The following APLP2 variants were observed in gnomAD, a reference collection of about 807,000 sequenced individuals.
APLP2 encodes amyloid beta precursor like protein 2, also known as CDEI box-binding protein.
APLP2 carries 53 observed loss-of-function variants against 89.9 expected under a neutral mutation model. The observed-to-expected ratio is 0.59, with a 90% CI of 0.47 to 0.74. The LOEUF (loss-of-function observed/expected upper bound fraction) is 0.74. Ranked by LOEUF, APLP2 falls within the 30% of genes least tolerant of loss-of-function variation. APLP2 has a pLI of 0.00. For synonymous variants in APLP2, 372 were observed against 348.6 expected, an observed-to-expected ratio of 1.07 and a Z score of -0.75; for missense variants, 973 against 975.9, an observed-to-expected ratio of 1.00 and a Z score of 0.04.
chr11:130,108,415 C>G (rs1331076467), intron 1 of APLP2, among the ~76,000 whole-genome samples: 1 of 152,192 alleles, frequency 6.6e-6, no homozygotes, highest in African/African-American at 2.4e-5. Context: ...AGACACTTCT[C>G]AAAAGAAGAC....
At chr11:130,084,864 T>C (rs1051394215) in intron 1 of APLP2, among the ~76,000 whole-genome samples, 1 of 150,934 alleles carries the variant, frequency 6.6e-6, no homozygotes, top group African/African-American at 2.4e-5. Context: ...TAGAAAAAAA[T>C]CAAAGAAAGA....
intron 4 of APLP2, among the ~76,000 whole-genome samples, chr11:130,121,403 A>G (rs1591823843): frequency 6.6e-6 from 1 of 152,328 alleles, no homozygotes; most frequent in East Asian, 1.9e-4. Flanking sequence ...GTATTTTTGG[A>G]CCAGATCATG....
intron 1 of APLP2, among the ~76,000 whole-genome samples, chr11:130,108,046 C>T (rs1476035301): frequency 6.6e-6 from 1 of 152,138 alleles, no homozygotes; most frequent in Non-Finnish European, 1.5e-5. Context: ...CTTCCTTACA[C>T]CTTATACAAA....
intron 1 of APLP2, among the ~76,000 whole-genome samples, chr11:130,104,765 C>T (rs141706562): frequency 1.1e-3 from 174 of 152,234 alleles, no homozygotes; most frequent in African/African-American, 1.7e-3. Flanking sequence ...AATGAATATT[C>T]GTTCCAGCAG....
chr11:130,114,305 A>T (rs1948935318), intron 3 of APLP2: 1 of 152,066 alleles, frequency 6.6e-6, no homozygotes, highest in African/African-American at 2.4e-5. Flanking sequence ...GATAAACCTC[A>T]CTGGCTACGA....
chr11:130,103,960 G>A (rs966966066), intron 1 of APLP2, among the ~76,000 whole-genome samples: 1 of 152,104 alleles, frequency 6.6e-6, no homozygotes, highest in Non-Finnish European at 1.5e-5. Context: ...CATTCCTTCC[G>A]ACCTGTAGAT....
intron 3 of APLP2, 68 bp downstream of exon 3, chr11:130,110,729 G>A (rs1948442455): frequency 2.7e-6 from 4 of 1,502,590 alleles, no homozygotes; most frequent in Non-Finnish European, 2.7e-6. Flanking sequence ...TTTTCTCTTG[G>A]CTCACAGTGA....
Position 130,070,073 on chromosome 11 carries a change from C to G in APLP2, c.96C>G (p.Gly32=). ...CGGCGCCTGCCTTGGCGCTGGCCGG[C>G]TACATCGAGGTGGGGACCGGGCGAA... ...GLTAPALALA[G]YIEALAANAG... The change falls in exon 1 of 17, where the codon GGC becomes GGG. Residue 32 remains glycine (G), a synonymous_variant. Coordinates refer to ENST00000338167, the MANE Select transcript of APLP2 (RefSeq NM_001142276.2). 1 of 1,477,388 alleles carries G rather than the reference C, an allele frequency of 6.8e-7. No homozygotes were observed. Among genetic ancestry groups the G allele is most frequent in the South Asian group, 1.3e-5 (1 of 77,898 alleles). 91.5% of individuals were successfully genotyped at this position (1,477,388 alleles called of 1,614,324 possible).
chr11:130,113,525 A>G (rs560530178), intron 3 of APLP2, among the ~76,000 whole-genome samples: 55 of 152,346 alleles, frequency 3.6e-4, no homozygotes, highest in Middle Eastern at 6.8e-3. Flanking sequence ...ATATTTTTAC[A>G]TAAGCACAGT....
At chr11:130,092,322 C>T (rs1339547902) in intron 1 of APLP2, among the ~76,000 whole-genome samples, 5 of 124,008 alleles carry the variant, frequency 4.0e-5, no homozygotes, top group Non-Finnish European at 6.6e-5. Context: ...GACGGGGTGG[C>T]GGCCGGGCAG....
rs1177235442 is a variant in APLP2, at chr11:130,141,317, C to T, written c.1924-181C>T. 1 of 602,340 alleles carries T rather than the reference C, an allele frequency of 1.7e-6. No homozygotes were observed. Among genetic ancestry groups the T allele is most frequent in the Non-Finnish European group, 3.0e-6 (1 of 336,116 alleles). The allele number at this position is 602,340 out of a possible 1,614,324, so 37.3% of individuals were successfully genotyped here. A position where few individuals can be genotyped will look rare whatever the true frequency, so the allele number is the denominator to read the frequency against. ...ATATAGTCTTCCCTCCATACCTGCC[C>T]CTTCATTAGGGGTTTGGGGAGTGGA... On this transcript the variant is annotated intron_variant, in intron 14 of 16. Coordinates refer to ENST00000338167, the MANE Select transcript of APLP2 (RefSeq NM_001142276.2). This position sits in a 1 kb window ranked among gnomAD's most constrained non-coding sequence, Gnocchi z 4.2.
rs557473409 is a variant in APLP2 at position 130,132,370 on chromosome 11, T to C, written c.1585-1259T>C. Among the ~76,000 whole-genome samples the C allele has an allele frequency of 2.6e-5, 4 of 152,316 alleles. No homozygotes were observed. In the East Asian group the frequency reaches 7.7e-4, roughly 29 times the overall value. On this transcript the variant is annotated intron_variant, in intron 11 of 16. Coordinates refer to ENST00000338167, the MANE Select transcript of APLP2 (RefSeq NM_001142276.2). ...TCTTTCCATTTAGCTTTTTTTTTCA[T>C]TTTGATCCTTCATGTTAATGGCTTC...
rs756725992 is a variant in APLP2 at position 130,123,645 on chromosome 11, G to C, written c.956G>C (p.Cys319Ser). The C allele has an allele frequency of 6.2e-7, 1 of 1,614,236 alleles. No individual in the cohort carries two copies. Among genetic ancestry groups the C allele is most frequent in the Non-Finnish European group, 8.5e-7 (1 of 1,180,038 alleles). ...TCCCAGGAGGCGATGACGGGGCCCT[G>C]CCGGGCCGTGATGCCTCGTTGGTAC... ...VCSQEAMTGP[C>S]RAVMPRWYFD... Residue 319 changes from cysteine (C) to serine (S), a missense_variant, in exon 7 of 17, where the codon TGC becomes TCC. Transcript: ENST00000338167. The surrounding 1 kb of genome is among the most constrained non-coding windows in gnomAD (Gnocchi z 4.0).
At chr11:130,126,456 ACTGGTG>A (rs1268984416) in intron 7 of APLP2, among the ~76,000 whole-genome samples, 1 of 152,200 alleles carries the variant, frequency 6.6e-6, no homozygotes, top group East Asian at 1.9e-4. Context: ...TAGATGCCTC[ACTGGTG>A]CTGAAGCTGC....
chr11:130,089,811 G>A (rs909339398), intron 1 of APLP2, among the ~76,000 whole-genome samples: 1 of 152,144 alleles, frequency 6.6e-6, no homozygotes, highest in Non-Finnish European at 1.5e-5. Flanking sequence ...TTCACGTGGC[G>A]CTCCCTCTGT....
chr11:130,070,477 AG>A (rs1183258206), intron 1 of APLP2: 8 of 1,047,940 alleles, frequency 7.6e-6, no homozygotes, highest in Non-Finnish European at 9.4e-6. Flanking sequence ...GGCTTTCTCC[AG>A]GGGCGGCCCC....
chr11:130,141,943 G>C lies in APLP2; in HGVS notation c.2023G>C (p.Asp675His), dbSNP rs202085638. 3.7e-6 allele frequency: 6 copies of C among 1,610,206 alleles called. No individual in the cohort carries two copies. Among genetic ancestry groups the C allele is most frequent in the Non-Finnish European group, 3.4e-6 (4 of 1,176,868 alleles). The change falls in exon 16 of 17, where the codon GAC becomes CAC. Residue 675 changes from aspartate to histidine, a missense_variant. Transcript: ENST00000338167. This position sits in a 1 kb window ranked among gnomAD's most constrained non-coding sequence, Gnocchi z 4.2. ...GGAATCCGTGGGCCCACTGCGGGAG[G>C]ACTTCAGTCTGAGTAGCAGTGCTCT... Reference protein sequence around the residue: ...ERESVGPLREDFSLSSSALIG... With the variant: ...ERESVGPLREHFSLSSSALIG...
chr11:130,092,704 G>GGAGGGA (rs1239736753), intron 1 of APLP2, among the ~76,000 whole-genome samples: 3 of 116,666 alleles, frequency 2.6e-5, no homozygotes, highest in African/African-American at 1.2e-4. Context: ...GACCGTGGGG[G>GGAGGGA]GAGGGAGGGG....
At chr11:130,088,225 G>A (rs888627278) in intron 1 of APLP2, among the ~76,000 whole-genome samples, 1 of 152,182 alleles carries the variant, frequency 6.6e-6, no homozygotes, top group Non-Finnish European at 1.5e-5. Context: ...TCAAAGGAAG[G>A]AATTTTAGGA....
Sources: allele counts gnomAD v4.1 joint callset (sites outside exome capture counted in the v4.1 genomes callset), GRCh38; gene constraint gnomAD v4.1.1; non-coding constraint Gnocchi (gnomAD v3.1); transcripts MANE v1.5; gene names NCBI Gene and HGNC (gene_info 2026-07-23, HGNC 2026-07-21).